The following VEGFC variants were observed in gnomAD, a reference collection of about 807,000 sequenced individuals.
VEGFC encodes the protein vascular endothelial growth factor C.
Under a neutral mutation model 46.1 loss-of-function variants are expected in VEGFC, and 12 were observed. The observed-to-expected ratio is 0.26, with a 90% CI of 0.17 to 0.42. The LOEUF is 0.42. VEGFC is among the 10% of genes least tolerant of loss of function. The pLI, the probability that VEGFC is intolerant of heterozygous loss-of-function variation, is 1.00. For synonymous variants in VEGFC, 232 were observed against 195.5 expected (o/e 1.19, Z -1.56); for missense variants, 488 against 529.4 (o/e 0.92, Z 0.77).
chr4:176,790,697 G>A (rs1371588313), intron 1 of VEGFC, among the ~76,000 whole-genome samples: 1 of 152,148 alleles, frequency 6.6e-6, no homozygotes, highest in Non-Finnish European at 1.5e-5. Flanking sequence ...ATACAGAGAT[G>A]TTGCCTTACT....
intron 1 of VEGFC, among the ~76,000 whole-genome samples, chr4:176,781,993 C>T (rs1254571116): frequency 1.3e-5 from 2 of 152,168 alleles, no homozygotes; most frequent in Non-Finnish European, 2.9e-5. Context: ...CCTCAACTAC[C>T]GCAGTGCCAA....
intron 1 of VEGFC, among the ~76,000 whole-genome samples, chr4:176,751,513 G>A (rs573154489): frequency 6.6e-6 from 1 of 151,898 alleles, no homozygotes; most frequent in East Asian, 1.9e-4. Flanking sequence ...AATTGCAGCA[G>A]CAAAATGTTT....
intron 4 of VEGFC, among the ~76,000 whole-genome samples, chr4:176,699,088 TAATC>T (rs778788164): frequency 1.3e-4 from 20 of 152,226 alleles, no homozygotes; most frequent in Non-Finnish European, 2.4e-4. Flanking sequence ...ACTGTGTTAT[TAATC>T]AAGTACTCTC....
At chr4:176,775,372 C>T (rs1001939607) in intron 1 of VEGFC, among the ~76,000 whole-genome samples, 12 of 152,194 alleles carry the variant, frequency 7.9e-5, no homozygotes, top group African/African-American at 2.4e-4. Flanking sequence ...TAACCCAAAA[C>T]CTTAACTTGA....
chr4:176,727,494 T>C (rs142341727), intron 3 of VEGFC, among the ~76,000 whole-genome samples: 1 of 152,140 alleles, frequency 6.6e-6, no homozygotes, highest in Admixed American at 6.6e-5. Flanking sequence ...CACACGTACA[T>C]GTACACACAT....
intron 1 of VEGFC, among the ~76,000 whole-genome samples, chr4:176,733,968 G>A (rs1173973690): frequency 6.6e-6 from 1 of 151,704 alleles, no homozygotes; most frequent in Non-Finnish European, 1.5e-5. Flanking sequence ...GGTACAAACA[G>A]GATTTTATGA....
chr4:176,775,638 C>G (rs1349283259), intron 1 of VEGFC, among the ~76,000 whole-genome samples: 4 of 152,130 alleles, frequency 2.6e-5, no homozygotes, highest in African/African-American at 9.7e-5. Flanking sequence ...TTCGTAATTT[C>G]TAATTTTGAT....
At position 176,761,731 on chromosome 4, in the gene VEGFC, A is replaced by G. The variant is rs115329737; in HGVS notation, c.147+30434T>C. Among the ~76,000 whole-genome samples the G allele has an allele frequency of 4.8e-3, 728 of 152,310 alleles. 5 individuals carry two copies. The highest frequency in any genetic ancestry group is 8.2e-3 in the Non-Finnish European group (556 of 68,018). Reference sequence around the variant, plus strand: ...TGCCTATGTAACCTTGGAAAAATAAACATATACTTAACACTTTTGTTAACT... The same window carrying G: ...TGCCTATGTAACCTTGGAAAAATAAGCATATACTTAACACTTTTGTTAACT... On this transcript the variant is annotated intron_variant, in intron 1 of 6. Transcript: ENST00000618562.
At chr4:176,790,046 A>C (rs1736064785) in intron 1 of VEGFC, among the ~76,000 whole-genome samples, 1 of 152,216 alleles carries the variant, frequency 6.6e-6, no homozygotes, top group South Asian at 2.1e-4. Flanking sequence ...CTTAAATCTA[A>C]ATGTGGTGCT....
chr4:176,780,398 A>AAACAAAAAAAAAAT, intron 1 of VEGFC, among the ~76,000 whole-genome samples: 1 of 111,230 alleles, frequency 9.0e-6, no homozygotes, highest in Non-Finnish European at 2.0e-5. Flanking sequence ...AAAAAAAAAA[A>AAACAAAAAAAAAAT]ACTCCTTCTA....
intron 1 of VEGFC, among the ~76,000 whole-genome samples, chr4:176,781,874 G>C (rs1735921389): frequency 6.6e-6 from 1 of 152,214 alleles, no homozygotes; most frequent in Admixed American, 6.5e-5. Flanking sequence ...TTTGAACACT[G>C]CTTGCCTGAA....
intron 1 of VEGFC, among the ~76,000 whole-genome samples, chr4:176,741,223 A>G (rs1489103030): frequency 6.6e-6 from 1 of 151,956 alleles, no homozygotes; most frequent in Non-Finnish European, 1.5e-5. Context: ...ACATTGCAGC[A>G]TGGAAACATT....
At chr4:176,727,052 T>C (rs1414419789) in intron 3 of VEGFC, among the ~76,000 whole-genome samples, 1 of 152,176 alleles carries the variant, frequency 6.6e-6, no homozygotes, top group African/African-American at 2.4e-5. Flanking sequence ...GTGCACACAA[T>C]TTCAAACAAC....
intron 4 of VEGFC, among the ~76,000 whole-genome samples, chr4:176,700,145 G>A (rs983693148): frequency 2.0e-5 from 3 of 152,220 alleles, no homozygotes; most frequent in Non-Finnish European, 4.4e-5. Flanking sequence ...GGCTGGGCAC[G>A]GTGGCTTACG....
At chr4:176,696,137 A>C (rs1010444947) in intron 4 of VEGFC, among the ~76,000 whole-genome samples, 3 of 145,560 alleles carry the variant, frequency 2.1e-5, no homozygotes, top group African/African-American at 7.7e-5. Flanking sequence ...TGGCCAGGGC[A>C]ATTAGGCAGG....
chr4:176,754,591 T>C (rs911899238), intron 1 of VEGFC, among the ~76,000 whole-genome samples: 3 of 151,962 alleles, frequency 2.0e-5, no homozygotes, highest in Non-Finnish European at 4.4e-5. Flanking sequence ...CCTCTCTCTT[T>C]CACTTATAAA....
intron 1 of VEGFC, among the ~76,000 whole-genome samples, chr4:176,788,845 C>A (rs111578429): frequency 0.019 from 2,934 of 152,222 alleles, 78 homozygotes; most frequent in African/African-American, 0.067. Flanking sequence ...AAAAAAACAT[C>A]TATTCTTTTT....
Position 176,773,895 on chromosome 4 carries a change from G to A in VEGFC, c.147+18270C>T, listed in dbSNP as rs932769098. 4.6e-5 allele frequency among the ~76,000 whole-genome samples: 7 copies of A among 151,802 alleles called. No individual in the cohort carries two copies. In the South Asian group the frequency reaches 6.3e-4, roughly 14 times the overall value. On this transcript the variant is annotated intron_variant, in intron 1 of 6. Transcript: ENST00000618562. The stretch of plus-strand genomic sequence containing the variant: ...ATTTTTGTAGAGATGGGGTCTCACC[G>A]TGTTACCCAGGCTGGTCGTGAACTC...
At chr4:176,691,950 C>G (rs959122474) in intron 4 of VEGFC, among the ~76,000 whole-genome samples, 1 of 152,204 alleles carries the variant, frequency 6.6e-6, no homozygotes, top group African/African-American at 2.4e-5. Context: ...ACGCACCGTG[C>G]GCGAGCCGAA....
Sources: gnomAD v4.1 joint callset for allele counts (sites outside exome capture counted in the v4.1 genomes callset) on GRCh38, gnomAD v4.1.1 for gene constraint, MANE v1.5 for transcripts, NCBI Gene and HGNC (gene_info 2026-07-23, HGNC 2026-07-21) for gene names.